PLXNA4: variants seen among roughly 807,000 people sequenced by gnomAD.
PLXNA4 encodes plexin A4, also known as plexin-A4.
PLXNA4 carries 44 observed loss-of-function variants against 191.8 expected under a neutral mutation model. The observed-to-expected ratio is 0.23, with a 90% CI of 0.18 to 0.29. The LOEUF is 0.29. Among genes scored for constraint, PLXNA4 ranks in the 10% least tolerant of loss-of-function variants. The pLI, the probability that PLXNA4 is intolerant of heterozygous loss-of-function variation, is 1.00. For missense variants in PLXNA4, 1,800 were observed against 2,488.8 expected (o/e 0.72, Z 5.89); for synonymous variants, 1,082 against 1,009.5 (o/e 1.07, Z -1.36).
chr7:132,511,956 G>A (rs1003366538), intron 1 of PLXNA4, among the ~76,000 whole-genome samples: 2 of 152,138 alleles, frequency 1.3e-5, no homozygotes, highest in African/African-American at 4.8e-5. Flanking sequence ...GTAAGACTGG[G>A]TCTCACACTG....
chr7:132,282,131 C>T (rs2116400682), intron 4 of PLXNA4, among the ~76,000 whole-genome samples: 1 of 152,238 alleles, frequency 6.6e-6, no homozygotes, highest in East Asian at 1.9e-4. Context: ...ACAAGTAAAA[C>T]CAGATTTCTT....
chr7:132,592,765 G>T (rs538200238), intron 2 of PLXNA4, among the ~76,000 whole-genome samples: 1 of 151,494 alleles, frequency 6.6e-6, no homozygotes, highest in African/African-American at 2.4e-5. Context: ...ATTGTGACTA[G>T]ATCAGGGGCT....
At chr7:132,439,025 G>A (rs920394320) in intron 3 of PLXNA4, among the ~76,000 whole-genome samples, 15 of 152,168 alleles carry the variant, frequency 9.9e-5, no homozygotes, top group African/African-American at 2.7e-4. Flanking sequence ...CGTGTATAAC[G>A]TGCTTTACAA....
chr7:132,349,503 C>T (rs1421182441), intron 3 of PLXNA4, among the ~76,000 whole-genome samples: 1 of 152,212 alleles, frequency 6.6e-6, no homozygotes, highest in African/African-American at 2.4e-5. Flanking sequence ...TGCCTCAGGG[C>T]ATCTCATTCC....
chr7:132,204,642 T>C (rs1797553184), intron 10 of PLXNA4, among the ~76,000 whole-genome samples: 1 of 152,112 alleles, frequency 6.6e-6, no homozygotes, highest in Admixed American at 6.5e-5. Flanking sequence ...TGAGGCTCCG[T>C]CCTCCAAGTT....
At chr7:132,202,226 C>T (rs927136355) in intron 12 of PLXNA4, among the ~76,000 whole-genome samples, 3 of 152,154 alleles carry the variant, frequency 2.0e-5, no homozygotes, top group African/African-American at 7.2e-5. Flanking sequence ...CTGTTGTGAC[C>T]TTCTTCACCT....
In PLXNA4 at chr7:132,168,538, C is replaced by T; in HGVS notation, c.4052G>A (p.Gly1351Asp). Residue 1351 changes from glycine to aspartate, a missense_variant, in exon 22 of 32, where the codon GGC becomes GAC. By Grantham distance (94) the Gly-to-Asp change is moderately conservative. Coordinates refer to ENST00000321063, the MANE Select transcript of PLXNA4 (RefSeq NM_020911.2). ...PGYRQERVEKGLKLFAQLINN... is the reference protein window; with the variant it reads ...PGYRQERVEKDLKLFAQLINN... Reference sequence around the variant, plus strand: ...GATGAGCTGGGCGAAGAGCTTCAGGCCTTTCTCCACACGCTCCTGCCGGTA... The same window carrying T: ...GATGAGCTGGGCGAAGAGCTTCAGGTCTTTCTCCACACGCTCCTGCCGGTA... 6.2e-7 allele frequency: 1 copy of T among 1,603,968 alleles called. No individual in the cohort carries two copies. The highest frequency in any genetic ancestry group is 8.5e-7 in the Non-Finnish European group (1 of 1,174,178).
At chr7:132,623,236 C>G (rs1803305250) in intron 2 of PLXNA4, among the ~76,000 whole-genome samples, 1 of 151,882 alleles carries the variant, frequency 6.6e-6, no homozygotes, top group African/African-American at 2.4e-5. Context: ...ATCCCAGGTA[C>G]TCGGGAGACT....
intron 3 of PLXNA4, among the ~76,000 whole-genome samples, chr7:132,416,597 T>C (rs1464199175): frequency 6.6e-6 from 1 of 152,240 alleles, no homozygotes; most frequent in African/African-American, 2.4e-5. Context: ...CTTCACACTA[T>C]TATGACTCCT....
intron 10 of PLXNA4, among the ~76,000 whole-genome samples, chr7:132,206,097 G>T (rs4731854): frequency 0.34 from 51,114 of 152,062 alleles, 10,721 homozygotes; most frequent in East Asian, 0.64. Context: ...GGTTCTGCCA[G>T]TGACCAGCTG....
chr7:132,444,929 C>T (rs971764922), intron 3 of PLXNA4, among the ~76,000 whole-genome samples: 2 of 151,516 alleles, frequency 1.3e-5, no homozygotes, highest in African/African-American at 4.9e-5. Context: ...TTTGGGAGGC[C>T]GAGGCGGGCG....
chr7:132,605,150 T>C (rs1438522199), intron 2 of PLXNA4, among the ~76,000 whole-genome samples: 1 of 152,204 alleles, frequency 6.6e-6, no homozygotes. Context: ...CCACATTTTA[T>C]TGATGAAGAG....
chr7:132,178,160 C>G (rs1050121510), intron 20 of PLXNA4, among the ~76,000 whole-genome samples: 11 of 152,080 alleles, frequency 7.2e-5, no homozygotes, highest in Admixed American at 3.9e-4. Flanking sequence ...ACAGATCAGC[C>G]CTACAGCCTT....
chr7:132,634,318 C>T (rs1481691922), intron 2 of PLXNA4, among the ~76,000 whole-genome samples: 1 of 152,184 alleles, frequency 6.6e-6, no homozygotes, highest in Non-Finnish European at 1.5e-5. Flanking sequence ...TGCCACTAGT[C>T]TGCCCATATG....
intron 22 of PLXNA4, among the ~76,000 whole-genome samples, chr7:132,166,367 T>TTTTTTTTTTTTTTTTTTTTTTTTTGAG (rs1796122855): frequency 7.5e-6 from 1 of 132,930 alleles, no homozygotes; most frequent in Non-Finnish European, 1.8e-5. Flanking sequence ...TCTACTCTTT[T>TTTTTTTTTTTTTTTTTTTTTTTTTGAG]ACTTTGGAAG....
At chr7:132,316,251 A>T (rs1801940684) in intron 3 of PLXNA4, among the ~76,000 whole-genome samples, 1 of 152,172 alleles carries the variant, frequency 6.6e-6, no homozygotes, top group Non-Finnish European at 1.5e-5. Context: ...AATCGTCCAC[A>T]TTCTCCCAGT....
upstream of PLXNA4, among the ~76,000 whole-genome samples, chr7:132,581,945 T>C (rs1207008096): frequency 6.6e-6 from 1 of 152,018 alleles, no homozygotes; most frequent in East Asian, 1.9e-4. Context: ...AGTTAGAGGA[T>C]ATTGTGAGGT....
intron 1 of PLXNA4, among the ~76,000 whole-genome samples, chr7:132,560,518 C>T (rs1295349648): frequency 1.3e-5 from 2 of 152,138 alleles, no homozygotes; most frequent in Non-Finnish European, 2.9e-5. Flanking sequence ...AAAAGGAACT[C>T]CTAAGTCTGC....
At chr7:132,251,051 C>T (rs571626238) in intron 4 of PLXNA4, among the ~76,000 whole-genome samples, 27 of 130,058 alleles carry the variant, frequency 2.1e-4, no homozygotes, top group African/African-American at 4.4e-4. Flanking sequence ...CTGTTCCAGC[C>T]TTTTTTTTTT....
Sources: allele counts gnomAD v4.1 joint callset (sites outside exome capture counted in the v4.1 genomes callset), GRCh38; gene constraint gnomAD v4.1.1; transcripts MANE v1.5; gene names NCBI Gene and HGNC (gene_info 2026-07-23, HGNC 2026-07-21).